Variants in YWHAE observed in about 807,000 individuals in gnomAD.
YWHAE encodes the protein tyrosine 3-monooxygenase/tryptophan 5-monooxygenase activation protein epsilon, also known as 14-3-3 protein epsilon.
A neutral mutation model predicts 30.1 loss-of-function variants in YWHAE; 4 were observed. That is an observed-to-expected ratio of 0.13 (90% CI 0.07 to 0.30). The LOEUF is 0.30. Among genes scored for constraint, YWHAE ranks in the 10% least tolerant of loss-of-function variants. YWHAE has a pLI of 1.00. For synonymous variants in YWHAE, 118 were observed against 111.8 expected (o/e 1.06, Z -0.35); for missense variants, 121 against 315.9 (o/e 0.38, Z 4.68).
intron 1 of YWHAE, among the ~76,000 whole-genome samples, chr17:1,372,693 C>G (rs2073060162): frequency 6.6e-6 from 1 of 152,296 alleles, no homozygotes; most frequent in East Asian, 1.9e-4. Flanking sequence ...GAGCTCACGC[C>G]TGTAATCCCA....
rs59650315 is a variant in YWHAE at position 1,359,812 on chromosome 17, TTGTGTGTGTGTGTGTGTGTGTG to T, written c.578+1258_578+1279del. ...CAATGTATTCGGTGCCACTAAATTG[TTGTGTGTGTGTGTGTGTGTGTG>T]TGTGTGTGTGTGTGTGTGTGTAAAA... On this transcript the variant is annotated intron_variant, in intron 4 of 5. Coordinates refer to ENST00000264335, the MANE Select transcript of YWHAE (RefSeq NM_006761.5). 5.6e-3 allele frequency among the ~76,000 whole-genome samples: 726 copies of T among 130,712 alleles called. 5 individuals are homozygous for T. The highest frequency in any genetic ancestry group is 0.019 in the African/African-American group (634 of 33,700). 85.8% of individuals were successfully genotyped at this position (130,712 alleles called of 152,430 possible).
chr17:1,367,939 G>C (rs2072970119), intron 1 of YWHAE, among the ~76,000 whole-genome samples: 1 of 152,116 alleles, frequency 6.6e-6, no homozygotes, highest in African/African-American at 2.4e-5. Flanking sequence ...TTTTTTAAAT[G>C]CAATTCTGAA....
At chr17:1,399,095 A>C (rs1415560315) in intron 1 of YWHAE, 1 of 152,062 alleles carries the variant, frequency 6.6e-6, no homozygotes, top group Non-Finnish European at 1.5e-5. Context: ...ATTTGTCATC[A>C]CGGTGCGCAC....
At chr17:1,389,703 T>C (rs1255534459) in intron 1 of YWHAE, among the ~76,000 whole-genome samples, 1 of 151,138 alleles carries the variant, frequency 6.6e-6, no homozygotes, top group Non-Finnish European at 1.5e-5. Flanking sequence ...GCTAATTTTT[T>C]GTATTTTTAG....
intron 1 of YWHAE, among the ~76,000 whole-genome samples, chr17:1,388,230 G>C (rs1455752024): frequency 6.8e-6 from 1 of 146,708 alleles, no homozygotes; most frequent in Middle Eastern, 3.5e-3. Context: ...CAAAGTGCTA[G>C]GATTGGCCAG....
intron 1 of YWHAE, among the ~76,000 whole-genome samples, chr17:1,373,184 G>A (rs552565403): frequency 2.5e-4 from 38 of 151,372 alleles, no homozygotes; most frequent in Middle Eastern, 3.5e-3. Context: ...CGGAACTTGC[G>A]GTGAGCCAAG....
intron 1 of YWHAE, among the ~76,000 whole-genome samples, chr17:1,372,409 T>A (rs1419187819): frequency 1.3e-5 from 2 of 152,242 alleles, no homozygotes; most frequent in African/African-American, 4.8e-5. Flanking sequence ...TAGCACTTTT[T>A]AATCTCCTTG....
At position 1,380,831 on chromosome 17, in the gene YWHAE, T is replaced by C. The variant is rs570609448; in HGVS notation, c.65-15773A>G. ...GTAACATATCCAAAGAACCTCACTC[T>C]CCCAACATCCAAATCTTATCCCCCA... On this transcript the variant is annotated intron_variant, in intron 1 of 5. Coordinates refer to ENST00000264335, the MANE Select transcript of YWHAE (RefSeq NM_006761.5). Among the ~76,000 whole-genome samples the C allele has an allele frequency of 4.6e-5, 7 of 152,310 alleles. No individual in the cohort carries two copies. The East Asian group carries it at 1.4e-3, about 29-fold the overall frequency.
At chr17:1,346,066 G>C (rs2072511524) in intron 5 of YWHAE, among the ~76,000 whole-genome samples, 1 of 140,296 alleles carries the variant, frequency 7.1e-6, no homozygotes, top group Non-Finnish European at 1.5e-5. Flanking sequence ...TTTTACTTCA[G>C]AGTGAAACAC....
chr17:1,385,781 GAC>G (rs1005471996), intron 1 of YWHAE, among the ~76,000 whole-genome samples: 1 of 152,030 alleles, frequency 6.6e-6, no homozygotes, highest in African/African-American at 2.4e-5. Flanking sequence ...ATACATTAAA[GAC>G]AACACTATTC....
intron 5 of YWHAE, among the ~76,000 whole-genome samples, chr17:1,347,730 C>A (rs1730161462): frequency 6.6e-6 from 1 of 152,146 alleles, no homozygotes; most frequent in Admixed American, 6.6e-5. Flanking sequence ...CGCTTGTAAG[C>A]AACCATGAGA....
chr17:1,387,446 A>C (rs1463665016), intron 1 of YWHAE, among the ~76,000 whole-genome samples: 1 of 152,264 alleles, frequency 6.6e-6, no homozygotes, highest in Non-Finnish European at 1.5e-5. Flanking sequence ...GGAATTAGAA[A>C]AGACACTGAA....
At chr17:1,383,941 C>CA (rs2073258667) in intron 1 of YWHAE, among the ~76,000 whole-genome samples, 1 of 151,978 alleles carries the variant, frequency 6.6e-6, no homozygotes, top group Non-Finnish European at 1.5e-5. Flanking sequence ...CACAGTGGCT[C>CA]ACGCCTGTAA....
chr17:1,349,805 G>A (rs1228060385), intron 5 of YWHAE, among the ~76,000 whole-genome samples: 4 of 151,736 alleles, frequency 2.6e-5, no homozygotes, highest in Admixed American at 1.3e-4. Flanking sequence ...TAGTAGAGAC[G>A]GGGTTTCACT....
At chr17:1,359,966 G>T in intron 4 of YWHAE, among the ~76,000 whole-genome samples, 1 of 143,748 alleles carries the variant, frequency 7.0e-6, no homozygotes, top group East Asian at 2.1e-4. Flanking sequence ...GGGGGAGAGA[G>T]AGAGAGAGAG....
At chr17:1,388,556 G>A (rs2073342735) in intron 1 of YWHAE, among the ~76,000 whole-genome samples, 2 of 142,596 alleles carry the variant, frequency 1.4e-5, no homozygotes, top group South Asian at 4.4e-4. Flanking sequence ...TTACAGGCAT[G>A]AGCAAACCAT....
intron 5 of YWHAE, among the ~76,000 whole-genome samples, chr17:1,347,423 G>T (rs933128491): frequency 6.6e-6 from 1 of 151,492 alleles, no homozygotes; most frequent in Non-Finnish European, 1.5e-5. Context: ...TTCTATTTCT[G>T]CAGTGAGCTT....
intron 1 of YWHAE, among the ~76,000 whole-genome samples, chr17:1,380,914 G>C (rs1415613787): frequency 6.6e-6 from 1 of 152,076 alleles, no homozygotes; most frequent in Non-Finnish European, 1.5e-5. Context: ...ACAATCCCTT[G>C]TTCCCCTTCT....
intron 1 of YWHAE, among the ~76,000 whole-genome samples, chr17:1,388,576 T>C (rs1444754889): frequency 5.0e-5 from 1 of 20,044 alleles, no homozygotes; most frequent in African/African-American, 6.1e-4. Context: ...TGCCCAGCCT[T>C]TTTTTTTTTT....
Sources: allele counts gnomAD v4.1 joint callset (sites outside exome capture counted in the v4.1 genomes callset), GRCh38; gene constraint gnomAD v4.1.1; transcripts MANE v1.5; gene names NCBI Gene and HGNC (gene_info 2026-07-23, HGNC 2026-07-21).